Variants in CAPN1 observed in about 807,000 individuals in gnomAD.
CAPN1 encodes calpain 1.
CAPN1 carries 77 observed loss-of-function variants against 105.2 expected under a neutral mutation model. The ratio of observed to expected loss-of-function variants is 0.73; its 90% CI spans 0.61 to 0.88. The LOEUF (loss-of-function observed/expected upper bound fraction) is 0.88, where lower values mean the gene tolerates loss of function less well. CAPN1 is among the 40% of genes least tolerant of loss of function. CAPN1 has a pLI of 0.00. For missense variants in CAPN1, 833 were observed against 976.6 expected (o/e 0.85, Z 1.96); for synonymous variants, 355 against 388.8 (o/e 0.91, Z 1.02).
chr11:65,209,459 C>A lies in CAPN1; in HGVS notation c.1794+72C>A. The A allele has an allele frequency of 7.9e-7, 1 of 1,262,394 alleles. No homozygotes were observed. The highest frequency in any genetic ancestry group is 1.1e-6 in the Non-Finnish European group (1 of 874,518). The allele number at this position is 1,262,394 out of a possible 1,614,324, so 78.2% of individuals were successfully genotyped here. A position where few individuals can be genotyped will look rare whatever the true frequency, so the allele number is the denominator to read the frequency against. ...GGTATCGGTGCTGGGAGAACTGTCC[C>A]AGGACAGCACAGAGAACAGGACAGA... On this transcript the variant is annotated intron_variant, in intron 17 of 21. Transcript: ENST00000279247. The surrounding 1 kb of genome is among the most constrained non-coding windows in gnomAD (Gnocchi z 4.1).
At chr11:65,181,491 G>C (rs1439850805), upstream of CAPN1, 3 of 265,786 alleles carry the variant, frequency 1.1e-5, no homozygotes, top group Admixed American at 6.2e-5. The surrounding 1 kb of genome is among the most constrained non-coding windows in gnomAD (Gnocchi z 4.6). Context: ...GCTGGGGACC[G>C]GGCGGGCCCG....
rs754097308 is a variant in CAPN1 at position 65,209,854 on chromosome 11, T to A, written c.1800T>A (p.Asp600Glu). 2.5e-5 allele frequency: 41 copies of A among 1,613,578 alleles called. No individual in the cohort carries two copies. Among genetic ancestry groups the A allele is most frequent in the Non-Finnish European group, 3.5e-5 (41 of 1,179,848 alleles). ...CCTTCTTAACGGCCACCCAGCGTGA[T>A]GGCAATGGGAAGCTGGGCCTGGTGG... ...CRSMVNLMDR[D>E]GNGKLGLVEF... is the part of the protein sequence containing the mutation. The change falls in exon 18 of 22, where the codon GAT becomes GAA. Residue 600 changes from aspartate (D) to glutamate (E), a missense_variant. By Grantham distance (45) the Asp-to-Glu change is conservative. Transcript: ENST00000279247. The surrounding 1 kb of genome is among the most constrained non-coding windows in gnomAD (Gnocchi z 4.1).
intron 14 of CAPN1, among the ~76,000 whole-genome samples, chr11:65,207,358 C>G (rs540300501): frequency 3.3e-5 from 5 of 151,902 alleles, no homozygotes; most frequent in Admixed American, 6.6e-5. Context: ...CGTTACCACA[C>G]CTGGCTAATT....
At chr11:65,181,677 A>AT (rs1341005806), upstream of CAPN1, 12 of 226,174 alleles carry the variant, frequency 5.3e-5, no homozygotes, top group Non-Finnish European at 1.0e-4. The surrounding 1 kb of genome is among the most constrained non-coding windows in gnomAD (Gnocchi z 4.6). Context: ...CAGCCCCCCC[A>AT]TCCCCCCCCG....
chr11:65,185,873 CG>C, intron 4 of CAPN1, 43 bp from the exon 5 acceptor site: 1 of 1,551,500 alleles, frequency 6.4e-7, no homozygotes, highest in Non-Finnish European at 8.7e-7. Context: ...AGCTCAGGTC[CG>C]GGGGATTCCA....
rs2137399070 is a variant in CAPN1, at chr11:65,209,544, TGTTG to T, written c.1794+163_1794+166del. On this transcript the variant is annotated intron_variant, in intron 17 of 21. Transcript: ENST00000279247. The surrounding 1 kb of genome is among the most constrained non-coding windows in gnomAD (Gnocchi z 4.1). ...TCAGATGTCTCCCTGGACGTCTTCC[TGTTG>T]GTTGGGAGGGAGAAACTGAGGCACA... 1.4e-6 allele frequency: 1 copy of T among 709,194 alleles called. No homozygotes were observed. Among genetic ancestry groups the T allele is most frequent in the Admixed American group, 2.3e-5 (1 of 42,734 alleles). 43.9% of individuals were successfully genotyped at this position (709,194 alleles called of 1,614,324 possible). A position where few individuals can be genotyped will look rare whatever the true frequency, so the allele number is the denominator to read the frequency against.
At chr11:65,206,222 C>T (rs900727845) in intron 12 of CAPN1, 2 of 586,856 alleles carry the variant, frequency 3.4e-6, no homozygotes, top group Admixed American at 6.0e-5. Context: ...AAACACATGC[C>T]TAATCTGCAA....
Position 65,210,318 on chromosome 11 carries a change from C to T in CAPN1, c.1943-18C>T. On this transcript the variant is annotated intron_variant, in intron 19 of 21. Coordinates refer to ENST00000279247, the MANE Select transcript of CAPN1 (RefSeq NM_005186.4). The surrounding 1 kb of genome is among the most constrained non-coding windows in gnomAD (Gnocchi z 4.3). Reference sequence around the variant, plus strand: ...AGGGGCTGCGCCTCACTGACCTTCACTCACTCTCCTGGACCAGGCTTCAAG... The same window carrying T: ...AGGGGCTGCGCCTCACTGACCTTCATTCACTCTCCTGGACCAGGCTTCAAG... 2 of 1,573,210 alleles carry T rather than the reference C, an allele frequency of 1.3e-6. No individual in the cohort carries two copies. The highest frequency in any genetic ancestry group is 8.7e-7 in the Non-Finnish European group (1 of 1,145,986).
chr11:65,187,088 C>T, intron 6 of CAPN1, 127 bp from the exon 7 acceptor site: 1 of 681,968 alleles, frequency 1.5e-6, no homozygotes, highest in East Asian at 2.7e-5. Context: ...GATCGGGGTC[C>T]CTGCTTGCTT....
At chr11:65,187,193 C>T in intron 6 of CAPN1, 22 bp from the exon 7 acceptor site, 2 of 1,597,470 alleles carry the variant, frequency 1.3e-6, no homozygotes, top group Admixed American at 1.7e-5. Flanking sequence ...CCACTGACCA[C>T]AGTGTGTGCC....
At chr11:65,204,556 G>C in intron 10 of CAPN1, 127 bp from the exon 11 acceptor site, 1 of 861,150 alleles carries the variant, frequency 1.2e-6, no homozygotes, top group Non-Finnish European at 1.8e-6. Flanking sequence ...CACCCTGCAT[G>C]TTCCAGGTGC....
rs1948671445 is a variant in CAPN1 at position 65,188,502 on chromosome 11, C to T, written c.1004+14C>T. ...CGGGGAGTTCTGGTGAGCGCCCCCT[C>T]CCCTTCTACCCCACCTCTCCACCCC... On this transcript the variant is annotated intron_variant, in intron 9 of 21. Transcript: ENST00000279247. The surrounding 1 kb of genome is among the most constrained non-coding windows in gnomAD (Gnocchi z 5.5). 4 of 1,612,736 alleles carry T rather than the reference C, an allele frequency of 2.5e-6. No homozygotes were observed. The highest frequency in any genetic ancestry group is 2.2e-5 in the East Asian group (1 of 44,852).
At chr11:65,182,638 G>A (rs1046277030) in intron 1 of CAPN1, 63 bp from the exon 2 acceptor site, 4 of 1,443,796 alleles carry the variant, frequency 2.8e-6, no homozygotes, top group African/African-American at 1.4e-5. Context: ...GAGCTTGCAG[G>A]CAGGAGCCCA....
chr11:65,191,604 C>A (rs1378948116), intron 10 of CAPN1, among the ~76,000 whole-genome samples: 1 of 152,136 alleles, frequency 6.6e-6, no homozygotes, highest in Non-Finnish European at 1.5e-5. Flanking sequence ...GTCTCGAACT[C>A]CTGACCTCAG....
In CAPN1 at chr11:65,210,391, C is replaced by A; in HGVS notation, c.1998C>A (p.Pro666=). The A allele has an allele frequency of 6.2e-7, 1 of 1,613,420 alleles. No individual in the cohort carries two copies. Among genetic ancestry groups the A allele is most frequent in the Non-Finnish European group, 8.5e-7 (1 of 1,179,750 alleles). Residue 666 remains proline, a synonymous_variant, in exon 20 of 22, where the codon CCC becomes CCA. Transcript: ENST00000279247. This position sits in a 1 kb window ranked among gnomAD's most constrained non-coding sequence, Gnocchi z 4.3. The part of the protein sequence containing the change: ...YELIITRYSE[P]DLAVDFDNFV... ...TCATCATCACCCGCTACTCGGAGCCCGACCTGGCGGTCGACTTTGACAATT... is the reference window on the plus strand; with the variant it reads ...TCATCATCACCCGCTACTCGGAGCCAGACCTGGCGGTCGACTTTGACAATT...
In CAPN1 at chr11:65,206,832, A is replaced by G; in HGVS notation, c.1605+13A>G. The G allele has an allele frequency of 6.2e-7, 1 of 1,608,526 alleles. No homozygotes were observed. The highest frequency in any genetic ancestry group is 8.5e-7 in the Non-Finnish European group (1 of 1,177,624). ...TCTCCCCGATGAGGTGCGTGGTCCC[A>G]CCCCACCAGGCCCCGTCCTCCTCTC... On this transcript the variant is annotated intron_variant, in intron 14 of 21. Coordinates refer to ENST00000279247, the MANE Select transcript of CAPN1 (RefSeq NM_005186.4).
intron 10 of CAPN1, among the ~76,000 whole-genome samples, chr11:65,189,208 G>T (rs945960674): frequency 5.9e-5 from 9 of 152,036 alleles, no homozygotes; most frequent in Admixed American, 2.6e-4. Context: ...TTTAGTAGAG[G>T]CAGGGTTTCT....
chr11:65,200,932 CTTTTTTTTTTTTTTTT>C (rs56897147), intron 10 of CAPN1, among the ~76,000 whole-genome samples: 10 of 49,456 alleles, frequency 2.0e-4, no homozygotes, highest in African/African-American at 5.1e-4. Context: ...CCATGCCTGG[CTTTTTTTTTTTTTTTT>C]TTTTTTTTTT....
At position 65,211,362 on chromosome 11, in the gene CAPN1, C is replaced by T; in HGVS notation, c.*76C>T. 1 of 1,432,054 alleles carries T rather than the reference C, an allele frequency of 7.0e-7. No homozygotes were observed. Among genetic ancestry groups the T allele is most frequent in the South Asian group, 1.2e-5 (1 of 84,562 alleles). 88.7% of individuals were successfully genotyped at this position (1,432,054 alleles called of 1,614,324 possible). A position where few individuals can be genotyped will look rare whatever the true frequency, so the allele number is the denominator to read the frequency against. On this transcript the variant is annotated 3_prime_UTR_variant, in exon 22 of 22. Coordinates refer to ENST00000279247, the MANE Select transcript of CAPN1 (RefSeq NM_005186.4). ...AGCCTCGCCTCCTACCACACCACAC[C>T]AGGCCACCCCAGCTGCAAGTGCCTT...
Sources: allele counts gnomAD v4.1 joint callset (sites outside exome capture counted in the v4.1 genomes callset), GRCh38; gene constraint gnomAD v4.1.1; non-coding constraint Gnocchi (gnomAD v3.1); transcripts MANE v1.5; gene names NCBI Gene and HGNC (gene_info 2026-07-23, HGNC 2026-07-21).